TRPM1: variants seen among roughly 807,000 people sequenced by gnomAD.
The protein encoded by TRPM1 is TRPM1-203 APA Isoform, Intron 10.
TRPM1 carries 113 observed loss-of-function variants against 149.4 expected under a neutral mutation model. The ratio of observed to expected loss-of-function variants is 0.76; its 90% CI spans 0.65 to 0.88. The LOEUF (loss-of-function observed/expected upper bound fraction) is 0.88. Among genes scored for constraint, TRPM1 ranks in the 40% least tolerant of loss-of-function variants. TRPM1 has a pLI of 0.00. For synonymous variants in TRPM1, 741 were observed against 759.5 expected (o/e 0.98, Z 0.40); for missense variants, 1,976 against 2,038.7 (o/e 0.97, Z 0.59).
chr15:31,022,616 T>A (rs2032586831), intron 27 of TRPM1, among the ~76,000 whole-genome samples: 1 of 152,266 alleles, frequency 6.6e-6, no homozygotes, highest in South Asian at 2.1e-4. Flanking sequence ...CTCTTGAGTC[T>A]GCTCCTACTT....
At chr15:31,014,025 G>A (rs1001981343) in intron 27 of TRPM1, among the ~76,000 whole-genome samples, 1 of 152,162 alleles carries the variant, frequency 6.6e-6, no homozygotes, top group Non-Finnish European at 1.5e-5. Context: ...AGAGCCTCAA[G>A]ATCAAGTCAG....
At chr15:31,127,668 A>G (rs565002048) in intron 1 of TRPM1, among the ~76,000 whole-genome samples, 38 of 152,190 alleles carry the variant, frequency 2.5e-4, no homozygotes, top group African/African-American at 9.2e-4. Context: ...TCAGTTCCAT[A>G]CTTGGGTGGG....
chr15:31,029,161 G>A (rs760902379), intron 24 of TRPM1, among the ~76,000 whole-genome samples: 28 of 152,114 alleles, frequency 1.8e-4, no homozygotes, highest in Non-Finnish European at 2.1e-4. Context: ...TTTTATCATA[G>A]GGGGTCTATT....
intron 1 of TRPM1, among the ~76,000 whole-genome samples, chr15:31,098,759 C>G (rs946807393): frequency 6.6e-6 from 1 of 152,002 alleles, no homozygotes; most frequent in African/African-American, 2.4e-5. Context: ...CCTGGGGGAG[C>G]AGACACAGGA....
intron 1 of TRPM1, among the ~76,000 whole-genome samples, chr15:31,140,434 G>T (rs1158511962): frequency 1.3e-5 from 2 of 152,140 alleles, no homozygotes; most frequent in Admixed American, 6.5e-5. Context: ...AGTGTTGGAA[G>T]TGGGGCCTAA....
chr15:31,040,429 T>C lies in TRPM1; in HGVS notation c.2088-83A>G, dbSNP rs776072955. 184 of 1,149,916 alleles carry C rather than the reference T, an allele frequency of 1.6e-4. 1 individual carries two copies. Among genetic ancestry groups the C allele is most frequent in the South Asian group, 1.4e-3 (114 of 79,920 alleles). 71.2% of individuals were successfully genotyped at this position (1,149,916 alleles called of 1,614,324 possible). A position where few individuals can be genotyped will look rare whatever the true frequency, so the allele number is the denominator to read the frequency against. ...GACAGGCATATCCACCAAGGACTTA[T>C]GGAGCCACGGGACACAGTATCCTTC... On this transcript the variant is annotated intron_variant, in intron 17 of 27. Coordinates refer to ENST00000256552, the MANE Select transcript of TRPM1 (RefSeq NM_001252024.2). The surrounding 1 kb of genome is among the most constrained non-coding windows in gnomAD (Gnocchi z 4.2).
intron 1 of TRPM1, among the ~76,000 whole-genome samples, chr15:31,100,279 G>A (rs1266200764): frequency 1.3e-5 from 2 of 151,900 alleles, no homozygotes; most frequent in Non-Finnish European, 2.9e-5. Flanking sequence ...GTTTCACCAT[G>A]TTGGCTAGGA....
At chr15:31,067,387 G>A (rs1396412897) in intron 5 of TRPM1, among the ~76,000 whole-genome samples, 200 bp from the exon 6 acceptor site, 1 of 152,096 alleles carries the variant, frequency 6.6e-6, no homozygotes, top group East Asian at 1.9e-4. Flanking sequence ...CTCTAGAAAC[G>A]GGAAAACAAA....
At chr15:31,156,925 C>T (rs2036385195) in intron 1 of TRPM1, among the ~76,000 whole-genome samples, 1 of 113,860 alleles carries the variant, frequency 8.8e-6, no homozygotes, top group African/African-American at 3.1e-5. Context: ...AGTGTACTTA[C>T]ATTTATTTTT....
In TRPM1 at chr15:31,050,495, C is replaced by T. The variant is rs1184117648; in HGVS notation, c.1351G>A (p.Gly451Arg). Residue 451 changes from glycine (G) to arginine (R), a missense_variant, in exon 12 of 28, where the codon GGA becomes AGA. By Grantham distance (125) the Gly-to-Arg change is moderately radical (BLOSUM62 -2). Coordinates refer to ENST00000256552, the MANE Select transcript of TRPM1 (RefSeq NM_001252024.2). ...PPMATTKGGR[G>R]KGKGKKKGKV... The stretch of plus-strand genomic sequence containing the variant: ...CCTTTCTTCTTGCCTTTCCCTTTTC[C>T]TCTTCCTCCCTTGGTGGTGGCCATG... 3 of 1,613,998 alleles carry T rather than the reference C, an allele frequency of 1.9e-6. No individual in the cohort carries two copies. The highest frequency in any genetic ancestry group is 2.5e-6 in the Non-Finnish European group (3 of 1,180,034).
chr15:31,068,360 C>G (rs182579450), intron 4 of TRPM1, among the ~76,000 whole-genome samples: 1 of 152,156 alleles, frequency 6.6e-6, no homozygotes, highest in African/African-American at 2.4e-5. Flanking sequence ...ACCTGATTCC[C>G]AATGCAATAG....
chr15:31,113,004 G>A (rs1567061892), intron 1 of TRPM1, among the ~76,000 whole-genome samples: 1 of 152,210 alleles, frequency 6.6e-6, no homozygotes, highest in Non-Finnish European at 1.5e-5. Context: ...CATCTGAGGT[G>A]CCGGTAAGTG....
chr15:31,034,245 A>G (rs544731982), intron 21 of TRPM1, among the ~76,000 whole-genome samples: 1 of 152,252 alleles, frequency 6.6e-6, no homozygotes, highest in African/African-American at 2.4e-5. Context: ...TGGGAGTTAC[A>G]TTTTCACTCG....
In TRPM1 at chr15:31,099,082, G is replaced by A. The variant is rs573198101; in HGVS notation, c.-84+2575C>T. On this transcript the variant is annotated intron_variant, in intron 1 of 27. Coordinates refer to ENST00000256552, the MANE Select transcript of TRPM1 (RefSeq NM_001252024.2). ...AGGCTGGGAAAATTGCTCCTGGCGC[G>A]ATGGGCATCTGAGGTAACAGAAAAA... Among the ~76,000 whole-genome samples, 9 of 152,274 alleles carry A rather than the reference G, an allele frequency of 5.9e-5. No individual in the cohort carries two copies. In the South Asian group the frequency reaches 1.5e-3, roughly 25 times the overall value.
intron 1 of TRPM1, among the ~76,000 whole-genome samples, chr15:31,117,865 A>G (rs2035823064): frequency 6.6e-6 from 1 of 152,210 alleles, no homozygotes; most frequent in Non-Finnish European, 1.5e-5. Context: ...AAAATAATTA[A>G]TGAGTTTGAA....
chr15:31,017,132 C>T (rs1274030031), intron 27 of TRPM1, among the ~76,000 whole-genome samples: 1 of 152,074 alleles, frequency 6.6e-6, no homozygotes, highest in African/African-American at 2.4e-5. Flanking sequence ...TGGTGAAACC[C>T]CCGTCTCTAC....
At chr15:31,156,803 T>A (rs2036383382) in intron 1 of TRPM1, among the ~76,000 whole-genome samples, 1 of 152,248 alleles carries the variant, frequency 6.6e-6, no homozygotes, top group African/African-American at 2.4e-5. Context: ...TTTAAATGTT[T>A]CACAGAGTTT....
Position 31,035,618 on chromosome 15 carries a change from A to C in TRPM1, c.2628T>G (p.Asp876Glu), listed in dbSNP as rs1440836535. Residue 876 changes from aspartate (D) to glutamate (E), a missense_variant, in exon 21 of 28, where the codon GAT becomes GAG. Physicochemically the swap from Asp to Glu is conservative, Grantham distance 45. Around this residue, in one of 3 missense-constraint regions of TRPM1, gnomAD observed 1,332 missense variants for 1,347.1 expected, o/e 0.99. Coordinates refer to ENST00000256552, the MANE Select transcript of TRPM1 (RefSeq NM_001252024.2). ...TCCACTCCTGGAGGGACGGCCAGCC[A>C]TCCATCCGCACCAGGATGACGTAGT... ...LFNYVILVRM[D>E]GWPSLQEWIV... is the part of the protein sequence containing the mutation. The C allele has an allele frequency of 6.2e-7, 1 of 1,614,194 alleles. No individual in the cohort carries two copies. Among genetic ancestry groups the C allele is most frequent in the African/African-American group, 1.3e-5 (1 of 75,060 alleles).
At chr15:31,146,696 C>T (rs2036228492) in intron 1 of TRPM1, among the ~76,000 whole-genome samples, 1 of 152,160 alleles carries the variant, frequency 6.6e-6, no homozygotes, top group African/African-American at 2.4e-5. Context: ...TTTGAAATGA[C>T]CAATTCAAGG....
Sources: gnomAD v4.1 joint callset for allele counts (sites outside exome capture counted in the v4.1 genomes callset) on GRCh38, gnomAD v4.1.1 for gene constraint, gnomAD v4.1.1 regional missense constraint, Gnocchi (gnomAD v3.1) non-coding constraint, MANE v1.5 for transcripts, NCBI Gene and HGNC (gene_info 2026-07-23, HGNC 2026-07-21) for gene names.